The following CEACAM19 variants were observed in gnomAD, a reference collection of about 807,000 sequenced individuals.
CEACAM19 encodes the protein cell adhesion molecule CEACAM19.
CEACAM19 carries 37 observed loss-of-function variants against 37.6 expected under a neutral mutation model. That is an observed-to-expected ratio of 0.98 (90% CI 0.76 to 1.29). The LOEUF is 1.29. Among genes scored for constraint, CEACAM19 ranks in the 50% most tolerant of loss-of-function variants. The pLI is 0.00. For missense variants in CEACAM19, 340 were observed against 375.6 expected (o/e 0.91, Z 0.78); for synonymous variants, 140 against 149.8 (o/e 0.93, Z 0.48).
chr19:44,668,465 TATATA>T (rs1419318056), upstream of CEACAM19, among the ~76,000 whole-genome samples: 61 of 66,052 alleles, frequency 9.2e-4, 1 homozygote, highest in African/African-American at 3.4e-3. Context: ...ATATATAATA[TATATA>T]ATATAATATA....
At position 44,678,951 on chromosome 19, in the gene CEACAM19, A is replaced by G; in HGVS notation, c.659+15A>G. 1 of 1,613,010 alleles carries G rather than the reference A, an allele frequency of 6.2e-7. No homozygotes were observed. Among genetic ancestry groups the G allele is most frequent in the Non-Finnish European group, 8.5e-7 (1 of 1,179,596 alleles). On this transcript the variant is annotated intron_variant, in intron 4 of 7. Transcript: ENST00000358777. Reference sequence around the variant, plus strand: ...CCCAGCACATGGTTGGTGCTTGTAAATACTTATTTAGTGAACTAACAAACT... The same window carrying G: ...CCCAGCACATGGTTGGTGCTTGTAAGTACTTATTTAGTGAACTAACAAACT...
chr19:44,682,770 C>A, intron 7 of CEACAM19, 150 bp downstream of exon 7: 1 of 677,846 alleles, frequency 1.5e-6, no homozygotes, highest in Non-Finnish European at 2.4e-6. Context: ...CGAAGAAGCC[C>A]AAACCGCCTC....
At chr19:44,676,227 C>T (rs1973945735) in intron 2 of CEACAM19, 44 bp from the exon 3 acceptor site, 5 of 1,600,300 alleles carry the variant, frequency 3.1e-6, no homozygotes, top group Admixed American at 1.7e-5. Context: ...CCTCAGGAGA[C>T]ATCGCACAGT....
Position 44,672,804 on chromosome 19 carries a change from G to A in CEACAM19, c.264G>A (p.Gln88=). 1 of 1,596,178 alleles carries A rather than the reference G, an allele frequency of 6.3e-7. No homozygotes were observed. Among genetic ancestry groups the A allele is most frequent in the Non-Finnish European group, 8.5e-7 (1 of 1,170,036 alleles). The change falls in exon 2 of 8, where the codon CAG becomes CAA. Residue 88 remains glutamine (Q), a synonymous_variant. Coordinates refer to ENST00000358777, the MANE Select transcript of CEACAM19 (RefSeq NM_001127893.3). ...FTYIPGIQRP[Q]RDGSAMGQRD... ...ACATCCCTGGGATACAACGGCCTCA[G>A]AGGGATGGCAGTGCCATGGGACAGC...
At chr19:44,668,682 A>G (rs1280701466), upstream of CEACAM19, among the ~76,000 whole-genome samples, 4 of 73,816 alleles carry the variant, frequency 5.4e-5, no homozygotes, top group Admixed American at 7.0e-4. Context: ...TATATTATAT[A>G]TTATAATATA....
Position 44,683,435 on chromosome 19 carries a change from A to T in CEACAM19, c.847-2A>T. On this transcript the variant is annotated splice_acceptor_variant, in intron 7 of 7. Transcript: ENST00000358777. LOFTEE classifies it high-confidence loss of function. ...ATTCTGTTCTCTCTTCCCCCCAAGCAGGACCTGCTAAACCCCGACCCTGCC... is the reference window on the plus strand; with the variant it reads ...ATTCTGTTCTCTCTTCCCCCCAAGCTGGACCTGCTAAACCCCGACCCTGCC... 6.5e-7 allele frequency: 1 copy of T among 1,539,820 alleles called. No individual in the cohort carries two copies. The highest frequency in any genetic ancestry group is 8.8e-7 in the Non-Finnish European group (1 of 1,134,616).
At chr19:44,682,704 A>G (rs900865854) in intron 7 of CEACAM19, 84 bp downstream of exon 7, 3 of 1,301,056 alleles carry the variant, frequency 2.3e-6, no homozygotes, top group Non-Finnish European at 3.2e-6. Flanking sequence ...GGTCAAGACA[A>G]CTGAAACTGG....
At chr19:44,677,227 A>AG (rs1275447764) in intron 3 of CEACAM19, among the ~76,000 whole-genome samples, 1 of 152,202 alleles carries the variant, frequency 6.6e-6, no homozygotes, top group Non-Finnish European at 1.5e-5. Context: ...CACTGTGGCC[A>AG]GGGGTTGGTG....
At chr19:44,667,526 TACAC>T (rs1344271226), upstream of CEACAM19, among the ~76,000 whole-genome samples, 2 of 131,916 alleles carry the variant, frequency 1.5e-5, no homozygotes, top group African/African-American at 2.9e-5. Context: ...TACATATTCA[TACAC>T]ATACATTTTA....
chr19:44,675,097 C>CGCGTGTGTGTGT (rs1973923049), intron 2 of CEACAM19, among the ~76,000 whole-genome samples: 1 of 143,800 alleles, frequency 7.0e-6, no homozygotes, highest in African/African-American at 2.6e-5. Context: ...CAGAGAACAG[C>CGCGTGTGTGTGT]GTGTGTGTGT....
At chr19:44,668,510 T>A (rs1464881841), upstream of CEACAM19, among the ~76,000 whole-genome samples, 4 of 43,290 alleles carry the variant, frequency 9.2e-5, 1 homozygote, top group African/African-American at 3.5e-4. Flanking sequence ...ATATTATATA[T>A]TAGTTATAAT....
Position 44,682,625 on chromosome 19 carries a change from G to A in CEACAM19, c.846+5G>A. On this transcript the variant is annotated splice_donor_5th_base_variant and intron_variant, in intron 7 of 7. Coordinates refer to ENST00000358777, the MANE Select transcript of CEACAM19 (RefSeq NM_001127893.3). ...CCAGAGAACCACCAGTACCAGGTAT[G>A]GAGCTGGGAGCTGGGAGGGGTGGTG... is the stretch of plus-strand genomic sequence containing the variant. The A allele has an allele frequency of 6.3e-7, 1 of 1,594,524 alleles. No individual in the cohort carries two copies. The highest frequency in any genetic ancestry group is 8.5e-7 in the Non-Finnish European group (1 of 1,170,606).
At chr19:44,670,794 A>C (rs1213491380), upstream of CEACAM19, among the ~76,000 whole-genome samples, 7 of 127,362 alleles carry the variant, frequency 5.5e-5, no homozygotes, top group South Asian at 2.2e-4. Context: ...AAAAAAAAAA[A>C]AAAAAAAAAA....
chr19:44,674,072 C>A (rs1973903479), intron 2 of CEACAM19, among the ~76,000 whole-genome samples: 1 of 151,964 alleles, frequency 6.6e-6, no homozygotes, highest in African/African-American at 2.4e-5. Flanking sequence ...ATGGTAAAAC[C>A]CCGTCTCTGC....
At chr19:44,668,872 T>C (rs995076568), upstream of CEACAM19, among the ~76,000 whole-genome samples, 2 of 133,636 alleles carry the variant, frequency 1.5e-5, no homozygotes, top group Non-Finnish European at 3.2e-5. Flanking sequence ...CAGGCCGGAG[T>C]GCAGTGGCAC....
chr19:44,668,872 T>G (rs995076568), upstream of CEACAM19, among the ~76,000 whole-genome samples: 6 of 133,636 alleles, frequency 4.5e-5, no homozygotes, highest in African/African-American at 1.4e-4. Flanking sequence ...CAGGCCGGAG[T>G]GCAGTGGCAC....
chr19:44,683,407 A>G, intron 7 of CEACAM19, 30 bp from the exon 8 acceptor site: 1 of 1,254,700 alleles, frequency 8.0e-7, no homozygotes, highest in Non-Finnish European at 1.1e-6. Flanking sequence ...CCACCCAGTC[A>G]TAATTCTGTT....
At chr19:44,672,312 T>C (rs1171694981) in intron 1 of CEACAM19, among the ~76,000 whole-genome samples, 1 of 152,150 alleles carries the variant, frequency 6.6e-6, no homozygotes, top group Non-Finnish European at 1.5e-5. Flanking sequence ...GTTGAATAAA[T>C]GAATGAATGA....
At chr19:44,671,402 G>A (rs548858886), upstream of CEACAM19, 31 of 357,596 alleles carry the variant, frequency 8.7e-5, no homozygotes, top group African/African-American at 5.0e-4. Context: ...TTACAGGCGT[G>A]AGCCACCGCA....
Sources: gnomAD v4.1 joint callset for allele counts (sites outside exome capture counted in the v4.1 genomes callset) on GRCh38, gnomAD v4.1.1 for gene constraint, MANE v1.5 for transcripts, NCBI Gene and HGNC (gene_info 2026-07-23, HGNC 2026-07-21) for gene names.